Variants in SYTL2 observed in about 807,000 individuals in gnomAD.
SYTL2 encodes the protein synaptotagmin like 2, also known as synaptotagmin-like protein 2.
In SYTL2, 165 loss-of-function variants were observed where a neutral mutation model predicts 198.7. The observed-to-expected ratio is 0.83, with a 90% CI of 0.73 to 0.94. The LOEUF is 0.94. Among genes scored for constraint, SYTL2 ranks in the 40% least tolerant of loss-of-function variants. SYTL2 has a pLI of 0.00. For missense variants in SYTL2, 2,835 were observed against 2,582.8 expected (o/e 1.10, Z -2.12); for synonymous variants, 966 against 917.7 (o/e 1.05, Z -0.95).
At chr11:85,845,931 A>G in the SYTL2 span, among the ~76,000 whole-genome samples, 1 of 152,214 alleles carries the variant, frequency 6.6e-6, no homozygotes, top group African/African-American at 2.4e-5. Flanking sequence ...AAATAATAAT[A>G]AAATAAATAA....
chr11:85,791,183 A>AC (rs2092725128), intron 1 of SYTL2, among the ~76,000 whole-genome samples: 1 of 150,640 alleles, frequency 6.6e-6, no homozygotes, highest in African/African-American at 2.4e-5. Context: ...AAAAAAAAAA[A>AC]AAAAAAAAAA....
At chr11:85,759,406 GC>G (rs1427104952) in intron 1 of SYTL2, among the ~76,000 whole-genome samples, 2 of 152,128 alleles carry the variant, frequency 1.3e-5, no homozygotes, top group Non-Finnish European at 2.9e-5. Context: ...AAGTCATTGG[GC>G]AAGTTACCGA....
chr11:85,834,859 A>C, the SYTL2 span, among the ~76,000 whole-genome samples: 4 of 151,926 alleles, frequency 2.6e-5, no homozygotes, highest in African/African-American at 9.7e-5. Context: ...TCCTGGGCTC[A>C]AGTGATCCTC....
At chr11:85,708,662 T>C (rs945792237) in intron 14 of SYTL2, among the ~76,000 whole-genome samples, 3 of 151,848 alleles carry the variant, frequency 2.0e-5, no homozygotes, top group Non-Finnish European at 4.4e-5. Context: ...AGTTTGAGAG[T>C]GTGGTGGAAA....
intron 1 of SYTL2, among the ~76,000 whole-genome samples, chr11:85,765,359 C>A (rs1007694952): frequency 6.6e-6 from 1 of 152,134 alleles, no homozygotes; most frequent in Non-Finnish European, 1.5e-5. Flanking sequence ...GCCTCAGCCT[C>A]CTGAGTAGCT....
At chr11:85,814,316 T>G (rs2093059096), upstream of SYTL2, among the ~76,000 whole-genome samples, 1 of 152,222 alleles carries the variant, frequency 6.6e-6, no homozygotes, top group Non-Finnish European at 1.5e-5. Flanking sequence ...AAGCTTTTAT[T>G]GTCCCCCTCC....
At chr11:85,751,031 G>A (rs1033391643) in intron 2 of SYTL2, among the ~76,000 whole-genome samples, 15 of 152,060 alleles carry the variant, frequency 9.9e-5, no homozygotes, top group Non-Finnish European at 1.3e-4. Context: ...GTAAGCCCAC[G>A]ATCAATGCAC....
chr11:85,783,927 C>T (rs1010060654), intron 1 of SYTL2, among the ~76,000 whole-genome samples: 3 of 152,170 alleles, frequency 2.0e-5, no homozygotes, highest in Admixed American at 6.5e-5. Flanking sequence ...TGGCCTGGCT[C>T]ATTTTCTGAT....
intron 1 of SYTL2, among the ~76,000 whole-genome samples, chr11:85,769,287 C>T (rs1385711467): frequency 2.0e-5 from 3 of 151,992 alleles, no homozygotes. Context: ...TAATGAGGCC[C>T]AATGTAATCA....
chr11:85,735,180 T>A (rs1043743531), intron 6 of SYTL2, among the ~76,000 whole-genome samples: 4 of 152,214 alleles, frequency 2.6e-5, no homozygotes, highest in Non-Finnish European at 5.9e-5. Context: ...TATCTTTTGC[T>A]CAATATTGTG....
chr11:85,800,569 A>G (rs905717647), intron 1 of SYTL2, among the ~76,000 whole-genome samples: 1 of 152,104 alleles, frequency 6.6e-6, no homozygotes, highest in Non-Finnish European at 1.5e-5. Flanking sequence ...ATGAGCCACT[A>G]TGCCTGGCCC....
chr11:85,816,096 C>T (rs1441356990), upstream of SYTL2, among the ~76,000 whole-genome samples: 2 of 151,922 alleles, frequency 1.3e-5, no homozygotes, highest in South Asian at 2.1e-4. Context: ...ACCTGGGAGG[C>T]GGAGGTTGCA....
Position 85,704,878 on chromosome 11 carries a change from A to G in SYTL2, c.6169T>C (p.Trp2057Arg), listed in dbSNP as rs1425629751. 2 of 1,613,518 alleles carry G rather than the reference A, an allele frequency of 1.2e-6. No individual in the cohort carries two copies. Among genetic ancestry groups the G allele is most frequent in the Admixed American group, 1.7e-5 (1 of 59,966 alleles). ...WDNKQNKQLRWYPLKRKTAPV... is the reference protein window; with the variant it reads ...WDNKQNKQLRRYPLKRKTAPV... ...CTCACCTTCCGCTTCAGAGGGTACC[A>G]TCTCAATTGTTTATTCTGTTTGTTA... The change falls in exon 16 of 20, where the codon TGG becomes CGG. Residue 2057 changes from tryptophan (W) to arginine (R), a missense_variant. By Grantham distance (101) the Trp-to-Arg change is moderately radical. This residue lies in a region of SYTL2 where 2,645 missense variants were observed against 2,381.7 expected (regional missense o/e 1.11). Transcript: ENST00000359152.
intron 8 of SYTL2, among the ~76,000 whole-genome samples, chr11:85,721,687 G>A (rs991483393): frequency 1.3e-5 from 2 of 152,142 alleles, no homozygotes; most frequent in Non-Finnish European, 2.9e-5. Context: ...CTGAATCAAT[G>A]AGTGATTCGA....
At chr11:85,736,784 T>C (rs2090374525) in intron 5 of SYTL2, among the ~76,000 whole-genome samples, 169 bp from the exon 6 acceptor site, 1 of 152,226 alleles carries the variant, frequency 6.6e-6, no homozygotes, top group Non-Finnish European at 1.5e-5. Flanking sequence ...AGAGTTACCA[T>C]ATATGCCATT....
the SYTL2 span, among the ~76,000 whole-genome samples, chr11:85,836,864 T>C: frequency 1.1e-4 from 16 of 152,200 alleles, no homozygotes; most frequent in African/African-American, 2.9e-4. Flanking sequence ...AGATGATTAA[T>C]AGATAGACAA....
At chr11:85,803,334 T>C (rs891958025) in intron 1 of SYTL2, among the ~76,000 whole-genome samples, 4 of 152,204 alleles carry the variant, frequency 2.6e-5, no homozygotes, top group African/African-American at 9.6e-5. Flanking sequence ...CTTCAGTATA[T>C]TCCCTCTCAC....
At chr11:85,839,454 G>A in the SYTL2 span, among the ~76,000 whole-genome samples, 1 of 152,188 alleles carries the variant, frequency 6.6e-6, no homozygotes, top group African/African-American at 2.4e-5. Context: ...GGGTATGGGG[G>A]ATTGAGGGGA....
chr11:85,760,774 T>C (rs926698740), intron 1 of SYTL2, among the ~76,000 whole-genome samples: 1 of 82,948 alleles, frequency 1.2e-5, no homozygotes, highest in Admixed American at 1.1e-4. Flanking sequence ...TAACAAGTGC[T>C]TCTGTGTCAA....
Sources: allele counts gnomAD v4.1 joint callset (sites outside exome capture counted in the v4.1 genomes callset), GRCh38; gene constraint gnomAD v4.1.1; regional missense constraint gnomAD v4.1.1; transcripts MANE v1.5; gene names NCBI Gene and HGNC (gene_info 2026-07-23, HGNC 2026-07-21).